Variants in AK9 observed in about 807,000 individuals in gnomAD.
The protein encoded by AK9 is adenylate kinase 9.
In AK9, 191 loss-of-function variants were observed where a neutral mutation model predicts 239.6. The observed-to-expected ratio is 0.80, with a 90% CI of 0.71 to 0.90. The LOEUF is 0.90. Ranked by LOEUF, AK9 falls within the 40% of genes least tolerant of loss-of-function variation. The pLI is 0.00. For synonymous variants in AK9, 689 were observed against 721.0 expected, an observed-to-expected ratio of 0.96 and a Z score of 0.71; for missense variants, 1,995 against 2,214.7, an observed-to-expected ratio of 0.90 and a Z score of 1.99.
chr6:109,553,220 G>T (rs1179799726), intron 24 of AK9, among the ~76,000 whole-genome samples: 1 of 152,122 alleles, frequency 6.6e-6, no homozygotes, highest in Non-Finnish European at 1.5e-5. Context: ...ATTTAAGTTA[G>T]TTTTTTCTAA....
intron 17 of AK9, among the ~76,000 whole-genome samples, chr6:109,595,551 T>A (rs1261591935): frequency 6.6e-6 from 1 of 152,194 alleles, no homozygotes; most frequent in Non-Finnish European, 1.5e-5. Flanking sequence ...CATATGCACA[T>A]GTATGTTTAT....
chr6:109,545,772 C>T (rs1177924101), intron 26 of AK9, 95 bp downstream of exon 26: 2 of 1,443,478 alleles, frequency 1.4e-6, no homozygotes, highest in Non-Finnish European at 1.8e-6. Flanking sequence ...CACTGCCTTC[C>T]TGTCTGGGTG....
intron 1 of AK9, among the ~76,000 whole-genome samples, chr6:109,680,693 G>C (rs762124811): frequency 1.8e-4 from 28 of 152,124 alleles, no homozygotes; most frequent in Non-Finnish European, 3.4e-4. Context: ...AAATGTTAAG[G>C]GTAGCCAGAG....
chr6:109,654,705 C>G (rs1323407665), intron 8 of AK9, among the ~76,000 whole-genome samples: 1 of 152,206 alleles, frequency 6.6e-6, no homozygotes, highest in East Asian at 1.9e-4. Flanking sequence ...AGAGTATCAA[C>G]ACTCTTAAGG....
In AK9 at chr6:109,494,130, C is replaced by G. The variant is rs369525950; in HGVS notation, c.5419-35G>C. 6 of 1,507,554 alleles carry G rather than the reference C, an allele frequency of 4.0e-6. 1 individual carries two copies. The highest frequency in any genetic ancestry group is 4.6e-6 in the Non-Finnish European group (5 of 1,088,676). The allele number at this position is 1,507,554 out of a possible 1,614,324, so 93.4% of individuals were successfully genotyped here. On this transcript the variant is annotated intron_variant, in intron 39 of 40. Transcript: ENST00000424296. ...GGGAACAATTCAAATTCTGTGTATA[C>G]TTGAGTTTGGTTTCTTTTCTTAGTG...
intron 1 of AK9, among the ~76,000 whole-genome samples, chr6:109,679,115 C>T (rs1261021526): frequency 6.6e-6 from 1 of 152,128 alleles, no homozygotes. Context: ...GAACTGTTCA[C>T]TCCCCTGGAA....
chr6:109,529,212 C>A, intron 28 of AK9, 139 bp from the exon 29 acceptor site: 1 of 953,450 alleles, frequency 1.0e-6, no homozygotes. Context: ...GATGTGATGG[C>A]GGTAATCATG....
chr6:109,578,081 A>C lies in AK9; in HGVS notation c.2191+1469T>G, dbSNP rs575240167. Reference sequence around the variant, plus strand: ...CAAGTAGCTGGGATTACAGGCGTGCACCACCACGCCTGGCTAATTTTTTAA... The same window carrying C: ...CAAGTAGCTGGGATTACAGGCGTGCCCCACCACGCCTGGCTAATTTTTTAA... On this transcript the variant is annotated intron_variant, in intron 20 of 40. Transcript: ENST00000424296. Among the ~76,000 whole-genome samples the C allele has an allele frequency of 1.5e-4, 22 of 151,168 alleles. No homozygotes were observed. The South Asian group carries it at 4.6e-3, about 32-fold the overall frequency.
At chr6:109,613,272 ATG>A (rs1793790262) in intron 15 of AK9, among the ~76,000 whole-genome samples, 1 of 151,920 alleles carries the variant, frequency 6.6e-6, no homozygotes, top group Non-Finnish European at 1.5e-5. Flanking sequence ...TGTAAAATAT[ATG>A]AAAAATAAGA....
At chr6:109,595,331 G>C (rs1336220572) in intron 17 of AK9, among the ~76,000 whole-genome samples, 1 of 151,238 alleles carries the variant, frequency 6.6e-6, no homozygotes, top group Non-Finnish European at 1.5e-5. Context: ...AGTTAGAATG[G>C]TGATTAAAGT....
rs538897738 is a variant in AK9, at chr6:109,610,636, C to T, written c.1694-123G>A. ...GTATTATTTTCATGTCACCGCAGCA[C>T]ATGTTGGAAGGAGGGAGAAATAAGA... On this transcript the variant is annotated intron_variant, in intron 16 of 40. Coordinates refer to ENST00000424296, the MANE Select transcript of AK9 (RefSeq NM_001145128.3). 3.8e-5 allele frequency: 41 copies of T among 1,079,610 alleles called. No homozygotes were observed. The African/African-American group carries it at 6.1e-4, about 16-fold the overall frequency. The allele number at this position is 1,079,610 out of a possible 1,614,324, so 66.9% of individuals were successfully genotyped here. A position where few individuals can be genotyped will look rare whatever the true frequency, so the allele number is the denominator to read the frequency against.
intron 1 of AK9, among the ~76,000 whole-genome samples, chr6:109,684,165 A>C (rs1198695985): frequency 6.6e-6 from 1 of 152,144 alleles, no homozygotes; most frequent in East Asian, 1.9e-4. Flanking sequence ...CCCTATTTAA[A>C]AAATGGTGTT....
chr6:109,690,210 T>C (rs1455767965), intron 1 of AK9, among the ~76,000 whole-genome samples: 1 of 152,206 alleles, frequency 6.6e-6, no homozygotes, highest in Non-Finnish European at 1.5e-5. Context: ...CTGGGAAACC[T>C]AGAATTGCCG....
In AK9 at chr6:109,612,013, T is replaced by C; in HGVS notation, c.1690A>G (p.Thr564Ala). ...ASQDVKLYSD[T>A]APTEDLIEEV... ...AATTATACAAATATTAATTTACCTG[T>C]ATCTGAATACAACTTTACATCTTGA... The change falls in exon 16 of 41, where the codon ACA becomes GCA. Residue 564 changes from threonine (T) to alanine (A), a missense_variant. Thr to Ala is a moderately conservative substitution (Grantham distance 58). This residue lies in a region of AK9 where 1,290 missense variants were observed against 1,392.7 expected (regional missense o/e 0.93). Coordinates refer to ENST00000424296, the MANE Select transcript of AK9 (RefSeq NM_001145128.3). 1 of 1,503,544 alleles carries C rather than the reference T, an allele frequency of 6.7e-7. No individual in the cohort carries two copies. Among genetic ancestry groups the C allele is most frequent in the South Asian group, 1.3e-5 (1 of 78,886 alleles). 93.1% of individuals were successfully genotyped at this position (1,503,544 alleles called of 1,614,324 possible).
At chr6:109,650,119 A>C (rs1469038316) in intron 8 of AK9, among the ~76,000 whole-genome samples, 3 of 152,344 alleles carry the variant, frequency 2.0e-5, no homozygotes, top group African/African-American at 4.8e-5. Context: ...TTAGACCTAA[A>C]ACCATAAAAA....
rs183909536 is a variant in AK9 at position 109,598,119 on chromosome 6, A to C, written c.1843-12047T>G. On this transcript the variant is annotated intron_variant, in intron 17 of 40. Transcript: ENST00000424296. The stretch of plus-strand genomic sequence containing the variant: ...TTTAAGTTCTAGGGTACATGTGCAC[A>C]ACCTGCAGGTTTGTTACATATGTAC... Among the ~76,000 whole-genome samples, 442 of 152,250 alleles carry C rather than the reference A, an allele frequency of 2.9e-3. 2 individuals carry two copies. The highest frequency in any genetic ancestry group is 0.01 in the African/African-American group (428 of 41,540).
At chr6:109,664,908 C>T (rs1216773842) in intron 5 of AK9, among the ~76,000 whole-genome samples, 1 of 151,496 alleles carries the variant, frequency 6.6e-6, no homozygotes, top group Non-Finnish European at 1.5e-5. Context: ...AGCATAGTGG[C>T]GGGTGCCTGT....
rs751020541 is a variant in AK9, at chr6:109,656,708, G to A, written c.759+48C>T. On this transcript the variant is annotated intron_variant, in intron 8 of 40. Coordinates refer to ENST00000424296, the MANE Select transcript of AK9 (RefSeq NM_001145128.3). ...ATGTGAAAGCTACTTAACCAGTGAT[G>A]AAACACAAATATCAATATTCATTTT... The A allele has an allele frequency of 1.3e-5, 20 of 1,520,510 alleles. No individual in the cohort carries two copies. The Middle Eastern group carries it at 1.4e-3, about 103-fold the overall frequency. 94.2% of individuals were successfully genotyped at this position (1,520,510 alleles called of 1,614,324 possible).
chr6:109,655,736 T>C (rs1230856991), intron 8 of AK9, among the ~76,000 whole-genome samples: 1 of 152,216 alleles, frequency 6.6e-6, no homozygotes, highest in East Asian at 1.9e-4. Context: ...CTGAATCTGA[T>C]TCTAATTTGG....
Sources: allele counts gnomAD v4.1 joint callset (sites outside exome capture counted in the v4.1 genomes callset), GRCh38; gene constraint gnomAD v4.1.1; regional missense constraint gnomAD v4.1.1; transcripts MANE v1.5; gene names NCBI Gene and HGNC (gene_info 2026-07-23, HGNC 2026-07-21).